The following NCK2 variants were observed in gnomAD, a reference collection of about 807,000 sequenced individuals.
The protein encoded by NCK2 is cytoplasmic protein NCK2.
Under a neutral mutation model 33.9 loss-of-function variants are expected in NCK2, and 16 were observed. The observed-to-expected ratio is 0.47, with a 90% confidence interval of 0.32 to 0.72. The LOEUF (loss-of-function observed/expected upper bound fraction) is 0.72. NCK2 is among the 30% of genes least tolerant of loss of function. NCK2 has a pLI of 0.03. For synonymous variants in NCK2, 273 were observed against 239.9 expected (o/e 1.14, Z -1.27); for missense variants, 418 against 537.3 (o/e 0.78, Z 2.19).
intron 2 of NCK2, among the ~76,000 whole-genome samples, chr2:105,836,176 C>A (rs886511111): frequency 1.3e-5 from 2 of 149,906 alleles, no homozygotes; most frequent in Non-Finnish European, 2.9e-5. Context: ...TTATTGTTTC[C>A]TTGCTTTTTC....
intron 1 of NCK2, among the ~76,000 whole-genome samples, chr2:105,789,171 G>C (rs1163928492): frequency 6.6e-6 from 1 of 152,094 alleles, no homozygotes; most frequent in East Asian, 1.9e-4. Flanking sequence ...GTTAGATGTG[G>C]CACTTCACAC....
upstream of NCK2, chr2:105,744,893 C>CT: frequency 6.2e-6 from 1 of 160,486 alleles, no homozygotes; most frequent in Non-Finnish European, 1.3e-5. Flanking sequence ...CCGCCGCCGC[C>CT]GCTGCCGCGG....
At chr2:105,839,426 A>C (rs1676551261) in intron 2 of NCK2, among the ~76,000 whole-genome samples, 1 of 152,068 alleles carries the variant, frequency 6.6e-6, no homozygotes, top group Non-Finnish European at 1.5e-5. Flanking sequence ...GCATATTTTG[A>C]AGGCAAGTCT....
At chr2:105,770,326 A>T (rs930773012) in intron 1 of NCK2, among the ~76,000 whole-genome samples, 1 of 152,192 alleles carries the variant, frequency 6.6e-6, no homozygotes, top group East Asian at 1.9e-4. Flanking sequence ...CTCCAGTTAG[A>T]GGTAAACTTA....
chr2:105,844,746 GGAT>G (rs1028867281), intron 2 of NCK2, among the ~76,000 whole-genome samples: 2 of 37,188 alleles, frequency 5.4e-5, no homozygotes, highest in African/African-American at 1.4e-4. Flanking sequence ...GGGCGGGGGG[GGAT>G]ATATATATAT....
chr2:105,779,061 C>G (rs1384122396), intron 1 of NCK2, among the ~76,000 whole-genome samples: 1 of 152,158 alleles, frequency 6.6e-6, no homozygotes, highest in Non-Finnish European at 1.5e-5. Flanking sequence ...AGTCCCAGCA[C>G]TTTGGGAGGC....
At chr2:105,800,396 T>C (rs917014303) in intron 1 of NCK2, among the ~76,000 whole-genome samples, 1 of 152,142 alleles carries the variant, frequency 6.6e-6, no homozygotes, top group African/African-American at 2.4e-5. Flanking sequence ...CAGGATAGGG[T>C]TGGTAAATGA....
At chr2:105,751,232 C>T (rs999434455) in intron 1 of NCK2, among the ~76,000 whole-genome samples, 1 of 152,222 alleles carries the variant, frequency 6.6e-6, no homozygotes, top group South Asian at 2.1e-4. Context: ...CCGACTCACT[C>T]GGTTATCCTT....
intron 4 of NCK2, among the ~76,000 whole-genome samples, chr2:105,884,840 T>G (rs1208750437): frequency 6.6e-6 from 1 of 152,198 alleles, no homozygotes; most frequent in Non-Finnish European, 1.5e-5. Flanking sequence ...CAATTGTCAT[T>G]TATCCTTAGC....
intron 1 of NCK2, among the ~76,000 whole-genome samples, chr2:105,802,301 G>A (rs930951696): frequency 3.9e-5 from 6 of 152,218 alleles, no homozygotes; most frequent in Non-Finnish European, 8.8e-5. Context: ...TGCAGGGATG[G>A]TGCTGTCTGC....
intron 1 of NCK2, among the ~76,000 whole-genome samples, chr2:105,760,692 C>A (rs1403697932): frequency 2.6e-5 from 4 of 151,978 alleles, no homozygotes; most frequent in Non-Finnish European, 5.9e-5. Flanking sequence ...AAGGGAGAAA[C>A]CAGTTACAGC....
upstream of NCK2, chr2:105,744,866 CG>C (rs1689211939): frequency 2.4e-5 from 1 of 42,448 alleles, no homozygotes; most frequent in Non-Finnish European, 5.7e-5. Context: ...GGGGGAGGGT[CG>C]CCGCCGCCGC....
In NCK2 at chr2:105,854,748, A is replaced by G. The variant is rs373241447; in HGVS notation, c.-16-300A>G. 169 of 262,336 alleles carry G rather than the reference A, an allele frequency of 6.4e-4. 1 individual carries two copies. The highest frequency in any genetic ancestry group is 3.5e-3 in the African/African-American group (159 of 45,726). The allele number at this position is 262,336 out of a possible 1,614,324, so 16.3% of individuals were successfully genotyped here. ...GAGGCAGTGTTACTTAATGAAATGG[A>G]CTCATTTAATTATAATGTTATTTAG... On this transcript the variant is annotated intron_variant, in intron 2 of 4. Coordinates refer to ENST00000233154, the MANE Select transcript of NCK2 (RefSeq NM_003581.5).
chr2:105,864,108 GGGCAT>G (rs1172896694), intron 3 of NCK2, among the ~76,000 whole-genome samples: 4 of 152,092 alleles, frequency 2.6e-5, no homozygotes, highest in African/African-American at 9.7e-5. Flanking sequence ...CTCTGGGGTG[GGGCAT>G]GCCACACCGT....
Position 105,856,083 on chromosome 2 carries a change from C to G in NCK2, c.226+794C>G, listed in dbSNP as rs576709695. 1.1e-3 allele frequency among the ~76,000 whole-genome samples: 164 copies of G among 152,096 alleles called. No individual in the cohort carries two copies. In the Middle Eastern group the frequency reaches 0.014, roughly 13 times the overall value. ...TCTCTTGACCTTGTGATCCGCCCAC[C>G]TTGGCCTCCCAAAGTGCTGGGATTA... On this transcript the variant is annotated intron_variant, in intron 3 of 4. Transcript: ENST00000233154.
intron 1 of NCK2, among the ~76,000 whole-genome samples, chr2:105,785,101 C>A (rs1208979961): frequency 6.6e-6 from 1 of 152,238 alleles, no homozygotes; most frequent in Non-Finnish European, 1.5e-5. Flanking sequence ...GCCTCAGCCT[C>A]CTGAGCACAT....
intron 3 of NCK2, among the ~76,000 whole-genome samples, chr2:105,869,284 C>T (rs537443413): frequency 6.6e-6 from 1 of 152,260 alleles, no homozygotes; most frequent in South Asian, 2.1e-4. Context: ...GCCATAACAG[C>T]GAACTGGTAT....
intron 1 of NCK2, among the ~76,000 whole-genome samples, chr2:105,754,091 G>A (rs1232019472): frequency 6.6e-6 from 1 of 152,210 alleles, no homozygotes; most frequent in African/African-American, 2.4e-5. Context: ...GGTGAGTCTG[G>A]CGTCTCTGTT....
chr2:105,795,058 G>A (rs907064315), intron 1 of NCK2, among the ~76,000 whole-genome samples: 2 of 152,088 alleles, frequency 1.3e-5, no homozygotes, highest in Non-Finnish European at 2.9e-5. Context: ...AAACTGAGCA[G>A]AAGGTACAGA....
Sources: allele counts gnomAD v4.1 joint callset (sites outside exome capture counted in the v4.1 genomes callset), GRCh38; gene constraint gnomAD v4.1.1; transcripts MANE v1.5; gene names NCBI Gene and HGNC (gene_info 2026-07-23, HGNC 2026-07-21).